MED24: variants seen among roughly 807,000 people sequenced by gnomAD.
MED24 encodes mediator complex subunit 24, also known as mediator of RNA polymerase II transcription subunit 24.
Under a neutral mutation model 118.8 loss-of-function variants are expected in MED24, and 74 were observed. That is an observed-to-expected ratio of 0.62 (90% CI 0.52 to 0.76). MED24 has a LOEUF of 0.76. Ranked by LOEUF, MED24 falls within the 30% of genes least tolerant of loss-of-function variation. The probability of loss-of-function intolerance (pLI) is 0.00; values close to 1 mark genes in which losing one functional copy is unlikely to be tolerated. For missense variants in MED24, 1,041 were observed against 1,278.9 expected (o/e 0.81, Z 2.84); for synonymous variants, 521 against 523.9 (o/e 0.99, Z 0.08).
Position 40,035,296 on chromosome 17 carries a change from G to C in MED24, c.380C>G (p.Ala127Gly), listed in dbSNP as rs771045092. 13 of 1,611,606 alleles carry C rather than the reference G, an allele frequency of 8.1e-6. No individual in the cohort carries two copies. Residue 127 changes from alanine (A) to glycine (G), a missense_variant, in exon 6 of 26, where the codon GCC (alanine) becomes GGC (glycine). Transcript: ENST00000394128. ...CIGLCRALLSALHWLLRCTAA... is the reference protein window; with the variant it reads ...CIGLCRALLSGLHWLLRCTAA... ...CGTGCAGCGCAGCAGCCAGTGGAGG[G>C]CGCTAAGAAGGGCTCGGCACAGTCC...
chr17:40,026,445 T>C (rs1380957658), intron 18 of MED24, 114 bp from the exon 19 acceptor site: 1 of 1,322,376 alleles, frequency 7.6e-7, no homozygotes, highest in Non-Finnish European at 1.0e-6. Context: ...CGGGCCACAT[T>C]CCACACCTCT....
At chr17:40,041,890 C>T (rs1984600489) in intron 3 of MED24, among the ~76,000 whole-genome samples, 1 of 152,164 alleles carries the variant, frequency 6.6e-6, no homozygotes, top group South Asian at 2.1e-4. Flanking sequence ...CTACAGTCTG[C>T]AAGTCCAATT....
chr17:40,035,722 C>T lies in MED24; in HGVS notation c.326G>A (p.Ser109Asn), dbSNP rs1983864628. 1.2e-6 allele frequency: 2 copies of T among 1,613,718 alleles called. No homozygotes were observed. The highest frequency in any genetic ancestry group is 1.7e-5 in the Admixed American group (1 of 59,984). The stretch of plus-strand genomic sequence containing the variant: ...TGAGCCCCCTTACCCCTGCCCTTAC[C>T]TCAGACGGTCACAAAACATGTCCAT... ...DIMDMFCDRLSCHGKAEECIG... is the reference protein window; with the variant it reads ...DIMDMFCDRLNCHGKAEECIG... Residue 109 changes from serine to asparagine, a missense_variant and splice_region_variant, in exon 5 of 26, where the codon AGC becomes AAC. Physicochemically the swap from Ser to Asn is conservative, Grantham distance 46 (BLOSUM62 1). Around this residue, in one of 3 missense-constraint regions of MED24, gnomAD observed 434 missense variants for 514.9 expected, o/e 0.84. Coordinates refer to ENST00000394128, the MANE Select transcript of MED24 (RefSeq NM_014815.4).
intron 3 of MED24, among the ~76,000 whole-genome samples, chr17:40,045,444 C>T (rs1026153139): frequency 2.9e-5 from 4 of 137,128 alleles, no homozygotes; most frequent in African/African-American, 1.2e-4. Flanking sequence ...GGCGACAGAG[C>T]AAGACTTCAT....
chr17:40,022,323 G>C (rs1982118005), intron 22 of MED24, 71 bp downstream of exon 22: 2 of 1,473,306 alleles, frequency 1.4e-6, no homozygotes, highest in East Asian at 2.4e-5. Context: ...CCTTTGCCTG[G>C]GGAATCCTTA....
At position 40,026,686 on chromosome 17, in the gene MED24, A is replaced by G. The variant is rs1982691748; in HGVS notation, c.1770T>C (p.Asn590=). Residue 590 remains asparagine, a synonymous_variant, in exon 18 of 26, where the codon AAT becomes AAC. Transcript: ENST00000394128. The part of the protein sequence containing the change: ...SISAAILEIL[N]AWENGVLAFE... ...AGGCCAGGACCCCATTCTCCCAGGC[A>G]TTGAGGATTTCCAAGATGGCGGCTG... 6.2e-7 allele frequency: 1 copy of G among 1,612,398 alleles called. No individual in the cohort carries two copies. Among genetic ancestry groups the G allele is most frequent in the Non-Finnish European group, 8.5e-7 (1 of 1,179,216 alleles).
intron 13 of MED24, 144 bp from the exon 14 acceptor site, chr17:40,029,112 C>A (rs1983065263): frequency 1.8e-6 from 2 of 1,121,346 alleles, no homozygotes; most frequent in Admixed American, 4.6e-5. Flanking sequence ...TTCCTAAAAC[C>A]CACCCCTGCT....
intron 3 of MED24, among the ~76,000 whole-genome samples, chr17:40,051,627 T>A (rs1472146776): frequency 7.4e-6 from 1 of 134,894 alleles, no homozygotes; most frequent in African/African-American, 2.8e-5. Context: ...AATCAATCAA[T>A]CAATAAAAAA....
At chr17:40,034,858 A>ACCCCCCCCCC in intron 6 of MED24, 2 of 117,224 alleles carry the variant, frequency 1.7e-5, no homozygotes, top group South Asian at 1.2e-4. Context: ...GTAGCCCCCC[A>ACCCCCCCCCC]CCCCCCACCC....
chr17:40,026,085 G>T, intron 19 of MED24, 71 bp downstream of exon 19: 1 of 1,492,118 alleles, frequency 6.7e-7, no homozygotes, highest in Non-Finnish European at 9.2e-7. Context: ...AGAGAGGGGT[G>T]CTTGTTATTG....
At chr17:40,035,696 G>A in intron 5 of MED24, 26 bp downstream of exon 5, 1 of 1,606,938 alleles carries the variant, frequency 6.2e-7, no homozygotes, top group Non-Finnish European at 8.5e-7. Flanking sequence ...ACATTGTATT[G>A]TGAGCCCCCT....
intron 22 of MED24, 131 bp downstream of exon 22, chr17:40,022,263 C>A: frequency 9.6e-7 from 1 of 1,046,942 alleles, no homozygotes. Context: ...GATTCCTGAC[C>A]AATCATGCCC....
In MED24 at chr17:40,029,774, C is replaced by T; in HGVS notation, c.1240G>A (p.Glu414Lys). 1 of 1,614,180 alleles carries T rather than the reference C, an allele frequency of 6.2e-7. No homozygotes were observed. Among genetic ancestry groups the T allele is most frequent in the Non-Finnish European group, 8.5e-7 (1 of 1,180,020 alleles). Reference sequence around the variant, plus strand: ...TTGAGGATGTTTGTGACAGTGGGCTCCGCCCGGAGGATCAGCTGGATGTTG... The same window carrying T: ...TTGAGGATGTTTGTGACAGTGGGCTTCGCCCGGAGGATCAGCTGGATGTTG... ...QPNIQLILRA[E>K]PTVTNILKTM... Residue 414 changes from glutamate to lysine, a missense_variant, in exon 13 of 26, where the codon GAG becomes AAG. Physicochemically the swap from Glu to Lys is moderately conservative, Grantham distance 56 (BLOSUM62 1). Around this residue, in one of 3 missense-constraint regions of MED24, gnomAD observed 20 missense variants for 69.6 expected, o/e 0.29. Transcript: ENST00000394128.
rs1054241850 is a variant in MED24, at chr17:40,054,363, C to T, written c.-40G>A. The T allele has an allele frequency of 6.6e-6, 1 of 152,654 alleles. No individual in the cohort carries two copies. Among genetic ancestry groups the T allele is most frequent in the African/African-American group, 2.4e-5 (1 of 41,444 alleles). 9.5% of individuals were successfully genotyped at this position (152,654 alleles called of 1,614,324 possible). A position where few individuals can be genotyped will look rare whatever the true frequency, so the allele number is the denominator to read the frequency against. On this transcript the variant is annotated splice_region_variant and 5_prime_UTR_variant, in exon 1 of 26. Coordinates refer to ENST00000394128, the MANE Select transcript of MED24 (RefSeq NM_014815.4). The stretch of plus-strand genomic sequence containing the variant: ...CACCTCCCCAAATTTAAGCCTACCG[C>T]ACAATCCAGTTCTAGGTGGTAGGCA...
intron 3 of MED24, among the ~76,000 whole-genome samples, chr17:40,050,912 G>A (rs909849537): frequency 2.0e-5 from 3 of 152,098 alleles, no homozygotes; most frequent in African/African-American, 4.8e-5. Flanking sequence ...CAAGGCAGGC[G>A]AATTACCTGA....
intron 6 of MED24, chr17:40,034,915 C>G: frequency 7.1e-7 from 1 of 1,405,066 alleles, no homozygotes; most frequent in East Asian, 3.3e-5. Flanking sequence ...TCAGTAAATA[C>G]CTGTTGGTTG....
At chr17:40,045,597 C>T (rs1193426959) in intron 3 of MED24, among the ~76,000 whole-genome samples, 11 of 151,694 alleles carry the variant, frequency 7.3e-5, no homozygotes, top group Admixed American at 7.2e-4. Flanking sequence ...TGAGCCTGAG[C>T]AACATGGCGA....
At chr17:40,051,401 G>A (rs1007110649) in intron 3 of MED24, among the ~76,000 whole-genome samples, 1 of 149,288 alleles carries the variant, frequency 6.7e-6, no homozygotes, top group African/African-American at 2.5e-5. Flanking sequence ...GGATCACGAG[G>A]TCAAGAGATC....
Position 40,028,869 on chromosome 17 carries a change from C to T in MED24, c.1366G>A (p.Ala456Thr), listed in dbSNP as rs763930003. 11 of 1,612,844 alleles carry T rather than the reference C, an allele frequency of 6.8e-6. No individual in the cohort carries two copies. Among genetic ancestry groups the T allele is most frequent in the African/African-American group, 2.7e-5 (2 of 74,896 alleles). ...AAGGATTTCAGCTTTCCAGTGGCGG[C>T]GGCGGCAGCCAGCAGCAAGTCCAGA... The part of the protein sequence containing the change: ...KSLDLLLAAA[A>T]ATGKLKSFAR... The change falls in exon 14 of 26, where the codon GCC becomes ACC. Residue 456 changes from alanine (A) to threonine (T), a missense_variant. Around this residue, in one of 3 missense-constraint regions of MED24, gnomAD observed 20 missense variants for 69.6 expected, o/e 0.29. Transcript: ENST00000394128.
Sources: gnomAD v4.1 joint callset for allele counts (sites outside exome capture counted in the v4.1 genomes callset) on GRCh38, gnomAD v4.1.1 for gene constraint, gnomAD v4.1.1 regional missense constraint, MANE v1.5 for transcripts, NCBI Gene and HGNC (gene_info 2026-07-23, HGNC 2026-07-21) for gene names.